The following ATP10B variants were observed in gnomAD, a reference collection of about 807,000 sequenced individuals.
ATP10B encodes ATPase phospholipid transporting 10B (putative).
Under a neutral mutation model 141.2 loss-of-function variants are expected in ATP10B, and 122 were observed. That is an observed-to-expected ratio of 0.86 (90% CI 0.75 to 1.00). The LOEUF is 1.00. ATP10B is among the 50% of genes least tolerant of loss of function. The pLI is 0.00. For synonymous variants in ATP10B, 685 were observed against 692.0 expected, an observed-to-expected ratio of 0.99 and a Z score of 0.16; for missense variants, 1,876 against 1,825.3, an observed-to-expected ratio of 1.03 and a Z score of -0.51.
In ATP10B at chr5:160,785,794, C is replaced by G; in HGVS notation, c.-566G>C. The G allele has an allele frequency of 7.7e-6, 5 of 650,256 alleles. 1 individual carries two copies. The South Asian group carries it at 9.7e-5, about 13-fold the overall frequency. 40.3% of individuals were successfully genotyped at this position (650,256 alleles called of 1,614,324 possible). A position where few individuals can be genotyped will look rare whatever the true frequency, so the allele number is the denominator to read the frequency against. On this transcript the variant is annotated 5_prime_UTR_variant, in exon 2 of 26. Transcript: ENST00000327245. ...CACCAGTCGGTTCTGATTCTCTTGT[C>G]AAAGGAAGCCTGCACGACACAGGAC...
intron 1 of ATP10B, among the ~76,000 whole-genome samples, chr5:160,809,093 A>G (rs1772973745): frequency 6.6e-6 from 1 of 152,196 alleles, no homozygotes; most frequent in Admixed American, 6.5e-5. Flanking sequence ...AGTGTATTAG[A>G]TTAATTTTAA....
intron 2 of ATP10B, among the ~76,000 whole-genome samples, chr5:160,733,816 A>AGAAT (rs1378659329): frequency 6.6e-6 from 1 of 152,020 alleles, no homozygotes; most frequent in Non-Finnish European, 1.5e-5. Flanking sequence ...TAATTATTTA[A>AGAAT]GAATGAAGGC....
chr5:160,668,310 C>T (rs1283940806), intron 7 of ATP10B, among the ~76,000 whole-genome samples: 1 of 150,820 alleles, frequency 6.6e-6, no homozygotes, highest in Admixed American at 6.6e-5. Context: ...GTCATTCTTA[C>T]ATACTCATTC....
At chr5:160,770,017 TC>T (rs1222768949) in intron 2 of ATP10B, among the ~76,000 whole-genome samples, 3 of 152,212 alleles carry the variant, frequency 2.0e-5, no homozygotes, top group Non-Finnish European at 2.9e-5. Flanking sequence ...GAGGTAACTG[TC>T]TTTTAAAGCC....
rs1758407981 is a variant in ATP10B, at chr5:160,622,574, T to C, written c.1632A>G (p.Val544=). 6.2e-7 allele frequency: 1 copy of C among 1,610,130 alleles called. No homozygotes were observed. The highest frequency in any genetic ancestry group is 1.3e-5 in the African/African-American group (1 of 74,734). The part of the protein sequence containing the change: ...VAFSSSIEKD[V]TPDKNLLTKV... ...TGGTCAGTAGGTTTTTATCTGGAGTTACATCTTTTTCCTGGAAGAGAAAGG... is the reference window on the plus strand; with the variant it reads ...TGGTCAGTAGGTTTTTATCTGGAGTCACATCTTTTTCCTGGAAGAGAAAGG... Residue 544 remains valine (V), a synonymous_variant, in exon 14 of 26, where the codon GTA becomes GTG. Transcript: ENST00000327245.
At chr5:160,595,783 A>G (rs1292201532) in intron 22 of ATP10B, among the ~76,000 whole-genome samples, 2 of 151,476 alleles carry the variant, frequency 1.3e-5, no homozygotes, top group Non-Finnish European at 3.0e-5. Flanking sequence ...AATACACTAG[A>G]AAATCTAGAA....
chr5:160,770,795 A>G (rs1423135074), intron 2 of ATP10B, among the ~76,000 whole-genome samples: 1 of 152,242 alleles, frequency 6.6e-6, no homozygotes, highest in Non-Finnish European at 1.5e-5. Flanking sequence ...AACAGATGGT[A>G]AAATAGTTGA....
At position 160,653,731 on chromosome 5, in the gene ATP10B, TATATAC is replaced by T. The variant is rs1210579558; in HGVS notation, c.676-4481_676-4476del. Among the ~76,000 whole-genome samples, 316 of 127,000 alleles carry T rather than the reference TATATAC, an allele frequency of 2.5e-3. 8 individuals are homozygous for T. Among genetic ancestry groups the T allele is most frequent in the African/African-American group, 9.2e-3 (295 of 32,186 alleles). 83.3% of individuals were successfully genotyped at this position (127,000 alleles called of 152,430 possible). A position where few individuals can be genotyped will look rare whatever the true frequency, so the allele number is the denominator to read the frequency against. ...TATATACATATATACATATATATTA[TATATAC>T]ATATATTACATATACATAAATATAT... is the stretch of plus-strand genomic sequence containing the variant. On this transcript the variant is annotated intron_variant, in intron 7 of 25. Coordinates refer to ENST00000327245, the MANE Select transcript of ATP10B (RefSeq NM_025153.3).
At chr5:160,903,331 G>A in the ATP10B span, among the ~76,000 whole-genome samples, 326 of 152,286 alleles carry the variant, frequency 2.1e-3, no homozygotes, top group African/African-American at 6.5e-3. Context: ...AGATACCAGA[G>A]CTTGAAGCCT....
At chr5:160,857,037 T>C (rs1754017166), upstream of ATP10B, among the ~76,000 whole-genome samples, 3 of 151,756 alleles carry the variant, frequency 2.0e-5, no homozygotes, top group African/African-American at 7.2e-5. Context: ...ATACTGTTTT[T>C]CCTGGTTTTG....
the ATP10B span, among the ~76,000 whole-genome samples, chr5:160,891,447 C>T: frequency 9.9e-5 from 15 of 152,180 alleles, no homozygotes; most frequent in Middle Eastern, 3.4e-3. Context: ...ATGGAGGAAA[C>T]AGGTTTTATT....
chr5:160,768,516 T>G (rs1769651469), intron 2 of ATP10B, among the ~76,000 whole-genome samples: 1 of 152,178 alleles, frequency 6.6e-6, no homozygotes. Flanking sequence ...AGAATTCCTA[T>G]CCTCTCAAAT....
chr5:160,594,013 A>T (rs1038396601), intron 22 of ATP10B, among the ~76,000 whole-genome samples: 1 of 152,230 alleles, frequency 6.6e-6, no homozygotes, highest in Non-Finnish European at 1.5e-5. Context: ...GCAGGTCAAC[A>T]TTCAGATTCA....
chr5:160,909,518 G>A, the ATP10B span, among the ~76,000 whole-genome samples: 4 of 152,160 alleles, frequency 2.6e-5, no homozygotes, highest in African/African-American at 9.7e-5. Flanking sequence ...TCTTAAGATG[G>A]TAAGTTTCCT....
chr5:160,865,428 A>G, the ATP10B span, among the ~76,000 whole-genome samples: 1 of 152,170 alleles, frequency 6.6e-6, no homozygotes, highest in South Asian at 2.1e-4. Context: ...TCAACTCAAG[A>G]TGGATCAAAG....
chr5:160,860,421 T>C, the ATP10B span, among the ~76,000 whole-genome samples: 1 of 151,938 alleles, frequency 6.6e-6, no homozygotes, highest in Non-Finnish European at 1.5e-5. Flanking sequence ...GGGTCTTGTC[T>C]ACCTTTCCCC....
Position 160,852,006 on chromosome 5 carries a change from G to T in ATP10B, c.-641C>A, listed in dbSNP as rs1040506393. On this transcript the variant is annotated 5_prime_UTR_variant, in exon 1 of 26. Transcript: ENST00000327245. ...AAGAAAACAGTGCTTGAAAGTGGCG[G>T]TATTTCTCTCGCACACCTTGGCTAA... 3.9e-5 allele frequency: 6 copies of T among 152,054 alleles called. No individual in the cohort carries two copies. Among genetic ancestry groups the T allele is most frequent in the African/African-American group, 1.4e-4 (6 of 41,400 alleles). 9.4% of individuals were successfully genotyped at this position (152,054 alleles called of 1,614,324 possible).
chr5:160,667,296 A>G (rs1762382153), intron 7 of ATP10B, among the ~76,000 whole-genome samples: 4 of 152,176 alleles, frequency 2.6e-5, no homozygotes, highest in Admixed American at 2.6e-4. Context: ...TCCTGCTTCA[A>G]CACTTCCCGG....
chr5:160,831,068 C>A (rs1775044671), intron 1 of ATP10B, among the ~76,000 whole-genome samples: 1 of 151,384 alleles, frequency 6.6e-6, no homozygotes, highest in African/African-American at 2.4e-5. Flanking sequence ...TAACTCTCAT[C>A]TTTGTCACTT....
Sources: gnomAD v4.1 joint callset for allele counts (sites outside exome capture counted in the v4.1 genomes callset) on GRCh38, gnomAD v4.1.1 for gene constraint, MANE v1.5 for transcripts, NCBI Gene and HGNC (gene_info 2026-07-23, HGNC 2026-07-21) for gene names.